Variants in CIITA observed in about 807,000 individuals in gnomAD.
CIITA encodes class II major histocompatibility complex transactivator.
CIITA carries 72 observed loss-of-function variants against 115.1 expected under a neutral mutation model. The ratio of observed to expected loss-of-function variants is 0.63; its 90% CI spans 0.52 to 0.76. The LOEUF is 0.76. Ranked by LOEUF, CIITA falls within the 30% of genes least tolerant of loss-of-function variation. The probability of loss-of-function intolerance (pLI) is 0.00; values close to 1 mark genes in which losing one functional copy is unlikely to be tolerated. For missense variants in CIITA, 1,617 were observed against 1,463.8 expected, an observed-to-expected ratio of 1.10 and a Z score of -1.71; for synonymous variants, 763 against 635.6, an observed-to-expected ratio of 1.20 and a Z score of -3.02.
At position 10,920,217 on chromosome 16, in the gene CIITA, C is replaced by T. The variant is rs893755364; in HGVS notation, c.3149+1691C>T. Reference sequence around the variant, plus strand: ...GGAAAAGTAGGTGGGCCTGGGAAGGCGACACTTGATCTGATTTACACTTTT... The same window carrying T: ...GGAAAAGTAGGTGGGCCTGGGAAGGTGACACTTGATCTGATTTACACTTTT... On this transcript the variant is annotated intron_variant, in intron 16 of 19. Coordinates refer to ENST00000324288, the MANE Select transcript of CIITA (RefSeq NM_000246.4). This position sits in a 1 kb window ranked among gnomAD's most constrained non-coding sequence, Gnocchi z 4.5. 2.6e-4 allele frequency among the ~76,000 whole-genome samples: 40 copies of T among 152,114 alleles called. No individual in the cohort carries two copies. Among genetic ancestry groups the T allele is most frequent in the African/African-American group, 9.2e-4 (38 of 41,400 alleles).
chr16:10,942,270 C>T lies in CIITA; in HGVS notation n.1396C>T, dbSNP rs563208905. 1,219 of 338,616 alleles carry T rather than the reference C, an allele frequency of 3.6e-3. 12 individuals are homozygous for T. Among genetic ancestry groups the T allele is most frequent in the Middle Eastern group, 0.025 (29 of 1,174 alleles). The allele number at this position is 338,616 out of a possible 1,614,324, so 21.0% of individuals were successfully genotyped here. On this transcript the variant is annotated non_coding_transcript_exon_variant, in exon 2 of 2. Coordinates refer to the CIITA transcript ENST00000573379. The surrounding 1 kb of genome is among the most constrained non-coding windows in gnomAD (Gnocchi z 5.0). ...GCCCCCCTGAAGTGGCCCGCGGCTG[C>T]CCGGCTCCCTCGTGGCGCCTCCCTG... is the stretch of plus-strand genomic sequence containing the variant.
chr16:10,868,689 C>T (rs1447482787), intron 1 of CIITA, among the ~76,000 whole-genome samples: 1 of 152,180 alleles, frequency 6.6e-6, no homozygotes, highest in Admixed American at 6.5e-5. Context: ...CCTGCCCCAG[C>T]CACATGTGCC....
intron 13 of CIITA, 62 bp downstream of exon 13, chr16:10,910,321 G>A (rs1567429174): frequency 2.2e-6 from 3 of 1,373,696 alleles, no homozygotes; most frequent in Non-Finnish European, 3.1e-6. Flanking sequence ...GCATTAGCTG[G>A]GCTTGTACCA....
Position 10,913,437 on chromosome 16 carries a change from C to T in CIITA, c.2889-2133C>T, listed in dbSNP as rs188625285. The T allele has an allele frequency of 7.6e-4, 126 of 165,564 alleles. No homozygotes were observed. In the Middle Eastern group the frequency reaches 0.011, roughly 15 times the overall value. The allele number at this position is 165,564 out of a possible 1,614,324, so 10.3% of individuals were successfully genotyped here. On this transcript the variant is annotated intron_variant, in intron 13 of 19. Coordinates refer to ENST00000324288, the MANE Select transcript of CIITA (RefSeq NM_000246.4). ...CCAAGTGATTCTCTTGCCTCAGCCT[C>T]CCGAGTAGCTGGGACTACAGGCACA...
Position 10,895,414 on chromosome 16 carries a change from T to A in CIITA, c.185T>A (p.Ile62Asn). 6.2e-7 allele frequency: 1 copy of A among 1,613,890 alleles called. No homozygotes were observed. Among genetic ancestry groups the A allele is most frequent in the South Asian group, 1.1e-5 (1 of 91,080 alleles). ...ATGGACCTGGCTGGAGAAGAAGAGA[T>A]TGAGCTCTACTCAGGTGGGCCCTCC... ...DQMDLAGEEE[I>N]ELYSEPDTDT... The change falls in exon 2 of 20, where the codon ATT becomes AAT. Residue 62 changes from isoleucine to asparagine, a missense_variant. Ile to Asn is a moderately radical substitution (Grantham distance 149, BLOSUM62 -3). Coordinates refer to ENST00000324288, the MANE Select transcript of CIITA (RefSeq NM_000246.4).
At chr16:10,904,853 G>T in intron 10 of CIITA, 41 bp downstream of exon 10, 2 of 1,602,276 alleles carry the variant, frequency 1.2e-6, no homozygotes, top group Non-Finnish European at 8.6e-7. Context: ...TGGTGGAGAT[G>T]GAAGCCCATA....
intron 1 of CIITA, among the ~76,000 whole-genome samples, chr16:10,890,844 G>A (rs796837643): frequency 5.9e-5 from 9 of 152,274 alleles, no homozygotes; most frequent in African/African-American, 1.2e-4. Context: ...AGGGCTCCGC[G>A]TGACTTAACT....
chr16:10,866,421 G>T, intron 1 of CIITA: 1 of 566,336 alleles, frequency 1.8e-6, no homozygotes, highest in Non-Finnish European at 3.5e-6. Context: ...ACTGCACTCT[G>T]CTCCATGAGC....
chr16:10,941,495 C>T lies in CIITA; in HGVS notation n.621C>T, dbSNP rs574034542. ...AGAAGCCTGAGGGAGGGGTGTGTAT[C>T]CGGCCTGGGAATTCCTCCCTCTCCC... On this transcript the variant is annotated non_coding_transcript_exon_variant, in exon 2 of 2. Transcript: ENST00000573379. This position sits in a 1 kb window ranked among gnomAD's most constrained non-coding sequence, Gnocchi z 6.4. 4.1e-5 allele frequency: 55 copies of T among 1,346,894 alleles called. No individual in the cohort carries two copies. The highest frequency in any genetic ancestry group is 4.0e-4 in the African/African-American group (27 of 67,282). The allele number at this position is 1,346,894 out of a possible 1,614,324, so 83.4% of individuals were successfully genotyped here.
At chr16:10,915,989 G>C (rs76302338) in intron 14 of CIITA, among the ~76,000 whole-genome samples, 1 of 152,202 alleles carries the variant, frequency 6.6e-6, no homozygotes, top group African/African-American at 2.4e-5. Context: ...AGATCCTTTC[G>C]TGACCTTTGA....
In CIITA at chr16:10,902,120, T is replaced by C; in HGVS notation, c.564T>C (p.Pro188=). ...DCSTLPCLPL[P]ALFNQEPASG... ...CCACCCTGCCCTGCCTGCCACTGCCTGCGCTGTTCAACCAGGAGCCAGCCT... is the reference window on the plus strand; with the variant it reads ...CCACCCTGCCCTGCCTGCCACTGCCCGCGCTGTTCAACCAGGAGCCAGCCT... Residue 188 remains proline, a synonymous_variant, in exon 7 of 20, where the codon CCT becomes CCC. Transcript: ENST00000324288. The C allele has an allele frequency of 1.9e-6, 3 of 1,614,192 alleles. No homozygotes were observed. The highest frequency in any genetic ancestry group is 2.5e-6 in the Non-Finnish European group (3 of 1,180,024).
At chr16:10,904,708 T>C in intron 9 of CIITA, 36 bp from the exon 10 acceptor site, 1 of 1,613,298 alleles carries the variant, frequency 6.2e-7, no homozygotes, top group Middle Eastern at 1.7e-4. Context: ...GGGGTAACCC[T>C]CACCCTAAAT....
chr16:10,875,995 G>T (rs142463940), upstream of CIITA, among the ~76,000 whole-genome samples: 2 of 152,194 alleles, frequency 1.3e-5, no homozygotes, highest in East Asian at 3.9e-4. Flanking sequence ...GAAAAGAAAA[G>T]AAAAATTAGC....
intron 5 of CIITA, among the ~76,000 whole-genome samples, chr16:10,899,918 A>T (rs1181863511): frequency 1.3e-4 from 19 of 151,982 alleles, no homozygotes; most frequent in Non-Finnish European, 2.2e-4. Flanking sequence ...CGTCTCTACC[A>T]AAAAATACAA....
At chr16:10,908,721 G>T (rs1270566400) in intron 11 of CIITA, 1 of 571,588 alleles carries the variant, frequency 1.7e-6, no homozygotes, top group African/African-American at 1.9e-5. Flanking sequence ...AATCGCCAGA[G>T]GATTGCTTCC....
At position 10,915,561 on chromosome 16, in the gene CIITA, G is replaced by C. The variant is rs1021930842; in HGVS notation, c.2889-9G>C. 1.2e-6 allele frequency: 2 copies of C among 1,612,838 alleles called. No individual in the cohort carries two copies. The highest frequency in any genetic ancestry group is 1.7e-6 in the Non-Finnish European group (2 of 1,179,028). On this transcript the variant is annotated splice_polypyrimidine_tract_variant and intron_variant, in intron 13 of 19. Transcript: ENST00000324288. ...ACTGGAGGTCTTACCCTTGCTCTTT[G>C]CCTCCTAGGCTGGGCCCTGTCTCAG...
In CIITA at chr16:10,922,486, C is replaced by G. The variant is rs763039487; in HGVS notation, c.3313C>G (p.Leu1105Val). The change falls in exon 18 of 20, where the codon CTG becomes GTG. Residue 1105 changes from leucine (L) to valine (V), a missense_variant. Coordinates refer to ENST00000324288, the MANE Select transcript of CIITA (RefSeq NM_000246.4). ...SLRRCPHVETLAMWTPTIPFS... is the reference protein window; with the variant it reads ...SLRRCPHVETVAMWTPTIPFS... ...TCGGAGGTGTCCTCATGTGGAGACG[C>G]TGGCGTAAGTCCAGGCAACCCTGGT... is the stretch of plus-strand genomic sequence containing the variant. 1 of 1,614,008 alleles carries G rather than the reference C, an allele frequency of 6.2e-7. No individual in the cohort carries two copies. The highest frequency in any genetic ancestry group is 1.1e-5 in the South Asian group (1 of 91,080).
At chr16:10,877,863 C>G (rs1596415205) in intron 1 of CIITA, among the ~76,000 whole-genome samples, 1 of 152,162 alleles carries the variant, frequency 6.6e-6, no homozygotes, top group Non-Finnish European at 1.5e-5. Flanking sequence ...GCTGCCCTCC[C>G]CCCAGTTTCC....
chr16:10,881,492 C>G (rs2036430311), intron 1 of CIITA, among the ~76,000 whole-genome samples: 1 of 152,272 alleles, frequency 6.6e-6, no homozygotes, highest in South Asian at 2.1e-4. Context: ...CTCTGATTTT[C>G]CCTGATGTTT....
Sources: allele counts gnomAD v4.1 joint callset (sites outside exome capture counted in the v4.1 genomes callset), GRCh38; gene constraint gnomAD v4.1.1; non-coding constraint Gnocchi (gnomAD v3.1); transcripts MANE v1.5; gene names NCBI Gene and HGNC (gene_info 2026-07-23, HGNC 2026-07-21).